Variants in ACOT1 observed in about 807,000 individuals in gnomAD.
ACOT1 encodes acyl-coenzyme A thioesterase 1.
A neutral mutation model predicts 15.7 loss-of-function variants in ACOT1; 8 were observed. The ratio of observed to expected loss-of-function variants is 0.51; its 90% CI spans 0.30 to 0.92. ACOT1 has a LOEUF of 0.92. ACOT1 is among the 40% of genes least tolerant of loss of function. The pLI is 0.06. For missense variants in ACOT1, 151 were observed against 539.4 expected, an observed-to-expected ratio of 0.28 and a Z score of 7.13; for synonymous variants, 67 against 241.2, an observed-to-expected ratio of 0.28 and a Z score of 6.69.
the ACOT1 span, among the ~76,000 whole-genome samples, chr14:73,512,443 A>G: frequency 6.6e-6 from 1 of 152,214 alleles, no homozygotes; most frequent in Non-Finnish European, 1.5e-5. Context: ...ACAATAAAAC[A>G]AAGTAGTTAA....
chr14:73,491,618 C>T, the ACOT1 span: 1 of 1,547,316 alleles, frequency 6.5e-7, no homozygotes, highest in Non-Finnish European at 8.7e-7. Context: ...CAGCCGGCGG[C>T]GAGCGGCCCG....
chr14:73,529,245 C>G, the ACOT1 span: 1 of 148,968 alleles, frequency 6.7e-6, no homozygotes, highest in African/African-American at 2.5e-5. Flanking sequence ...ATCCCAGCTA[C>G]TTGGGAGGCT....
the ACOT1 span, chr14:73,521,078 G>A: frequency 6.5e-7 from 1 of 1,550,366 alleles, no homozygotes; most frequent in Non-Finnish European, 8.9e-7. Flanking sequence ...GGGGGAAAGA[G>A]TAGGAGGTGG....
At chr14:73,493,519 G>T in the ACOT1 span, 1 of 197,568 alleles carries the variant, frequency 5.1e-6, no homozygotes, top group East Asian at 1.5e-4. Context: ...GCATGTAAAA[G>T]GAGCATGTTA....
the ACOT1 span, chr14:73,509,324 C>CAG: frequency 1.5e-4 from 245 of 1,613,944 alleles, 2 homozygotes; most frequent in Non-Finnish European, 3.4e-5. Context: ...TTCAGAAGGG[C>CAG]AGTCTGCATG....
At chr14:73,503,883 G>T in the ACOT1 span, among the ~76,000 whole-genome samples, 16 of 152,124 alleles carry the variant, frequency 1.1e-4, no homozygotes, top group Admixed American at 9.2e-4. Flanking sequence ...CTTAGCTCCA[G>T]CAATCTGCCA....
chr14:73,493,045 C>A, the ACOT1 span: 2 of 1,591,078 alleles, frequency 1.3e-6, no homozygotes, highest in Non-Finnish European at 1.7e-6. Flanking sequence ...CCTTGATAAG[C>A]ATCAGTGTGC....
chr14:73,511,998 G>T, the ACOT1 span: 7 of 1,613,790 alleles, frequency 4.3e-6, no homozygotes, highest in Non-Finnish European at 5.9e-6. Context: ...TTCAGCTTTG[G>T]CTCTCACCTG....
chr14:73,503,728 C>T, the ACOT1 span, among the ~76,000 whole-genome samples: 3 of 152,208 alleles, frequency 2.0e-5, no homozygotes, highest in African/African-American at 7.2e-5. Flanking sequence ...CTTATAGCTG[C>T]TTCTGTTCTA....
the ACOT1 span, among the ~76,000 whole-genome samples, chr14:73,528,392 CAAAAA>C: frequency 2.6e-3 from 229 of 88,480 alleles, 1 homozygote; most frequent in East Asian, 0.014. Context: ...AACTTCATCT[CAAAAA>C]AAAAAAAAAA....
the ACOT1 span, chr14:73,491,233 C>T: frequency 1.3e-6 from 2 of 1,589,936 alleles, no homozygotes; most frequent in African/African-American, 1.4e-5. Flanking sequence ...AGTCGACGGC[C>T]GACGACCTGG....
At chr14:73,497,192 G>A in the ACOT1 span, among the ~76,000 whole-genome samples, 2 of 151,792 alleles carry the variant, frequency 1.3e-5, no homozygotes, top group African/African-American at 2.4e-5. Flanking sequence ...CACTGCACCC[G>A]GCCATGCCCG....
At chr14:73,519,035 T>C in the ACOT1 span, 9 of 1,612,670 alleles carry the variant, frequency 5.6e-6, no homozygotes, top group Non-Finnish European at 7.6e-6. Context: ...GCTTCAGGAA[T>C]TGCCTGGGCA....
chr14:73,491,148 G>C, the ACOT1 span: 15 of 1,607,876 alleles, frequency 9.3e-6, no homozygotes, highest in Non-Finnish European at 1.3e-5. Flanking sequence ...AAGCAGCTGC[G>C]AAGTGTTGTA....
At chr14:73,496,449 C>T in the ACOT1 span, 1 of 587,014 alleles carries the variant, frequency 1.7e-6, no homozygotes, top group East Asian at 2.8e-5. Context: ...AGATGCTTTG[C>T]ATCTTCAAAT....
the ACOT1 span, among the ~76,000 whole-genome samples, chr14:73,513,133 A>G: frequency 5.3e-5 from 8 of 152,306 alleles, no homozygotes; most frequent in Non-Finnish European, 1.0e-4. Context: ...CCCTTCATAC[A>G]TCATTTGCTG....
the ACOT1 span, among the ~76,000 whole-genome samples, chr14:73,500,305 A>G: frequency 6.6e-6 from 1 of 150,892 alleles, no homozygotes; most frequent in Non-Finnish European, 1.5e-5. Flanking sequence ...TAGCTCATCA[A>G]CTATCGTTAG....
At chr14:73,491,068 G>A in the ACOT1 span, 1 of 1,594,408 alleles carries the variant, frequency 6.3e-7, no homozygotes, top group Non-Finnish European at 8.5e-7. Flanking sequence ...GGCGGCCGAA[G>A]CGCCGGCGCA....
the ACOT1 span, among the ~76,000 whole-genome samples, chr14:73,524,310 A>AAAAAATATATATATATATATATATAT: frequency 5.5e-5 from 3 of 54,782 alleles, no homozygotes; most frequent in African/African-American, 2.6e-4. Flanking sequence ...AAAAAAAAAA[A>AAAAAATATATATATATATATATATAT]ATATATATAT....
Sources: gnomAD v4.1 joint callset for allele counts (sites outside exome capture counted in the v4.1 genomes callset) on GRCh38, gnomAD v4.1.1 for gene constraint, MANE v1.5 for transcripts, NCBI Gene and HGNC (gene_info 2026-07-23, HGNC 2026-07-21) for gene names.